Variants in ADCY6 observed in about 807,000 individuals in gnomAD.
ADCY6 encodes the protein adenylate cyclase type 6.
Under a neutral mutation model 111.6 loss-of-function variants are expected in ADCY6, and 59 were observed. The observed-to-expected ratio is 0.53, with a 90% confidence interval of 0.43 to 0.66. ADCY6 has a LOEUF of 0.66. Among genes scored for constraint, ADCY6 ranks in the 30% least tolerant of loss-of-function variants. The pLI is 0.00. For synonymous variants in ADCY6, 576 were observed against 642.9 expected, an observed-to-expected ratio of 0.90 and a Z score of 1.57; for missense variants, 1,242 against 1,595.6, an observed-to-expected ratio of 0.78 and a Z score of 3.78.
In ADCY6 at chr12:48,778,247, T is replaced by C. The variant is rs201826042; in HGVS notation, c.875A>G (p.Asn292Ser). ...GTTGGTGCAGAGGAACAGCAGCACA[T>C]TGGCACCGAGCTGCAGGAGGTGGCA... Reference protein sequence around the residue: ...DAFLWKQLGANVLLFLCTNVI... With the variant: ...DAFLWKQLGASVLLFLCTNVI... The change falls in exon 3 of 22, where the codon AAT becomes AGT. Residue 292 changes from asparagine to serine, a missense_variant. Physicochemically the swap from Asn to Ser is conservative, Grantham distance 46. Around this residue, in one of 4 missense-constraint regions of ADCY6, gnomAD observed 260 missense variants for 414.6 expected, o/e 0.63. Transcript: ENST00000357869. 115 of 1,614,058 alleles carry C rather than the reference T, an allele frequency of 7.1e-5. 1 individual carries two copies. Among genetic ancestry groups the C allele is most frequent in the Non-Finnish European group, 6.8e-5 (80 of 1,179,992 alleles).
rs907150770 is a variant in ADCY6 at position 48,782,442 on chromosome 12, C to G, written c.864+129G>C. On this transcript the variant is annotated intron_variant, in intron 2 of 21. Coordinates refer to ENST00000357869, the MANE Select transcript of ADCY6 (RefSeq NM_015270.5). The surrounding 1 kb of genome is among the most constrained non-coding windows in gnomAD (Gnocchi z 4.3). ...CACCTCCTGCTCCTCCTCCCAGATA[C>G]AGCCAGACATCCCTGCACCCAGCTT... 1.4e-6 allele frequency: 2 copies of G among 1,443,580 alleles called. No individual in the cohort carries two copies. Among genetic ancestry groups the G allele is most frequent in the East Asian group, 2.5e-5 (1 of 40,218 alleles). 89.4% of individuals were successfully genotyped at this position (1,443,580 alleles called of 1,614,324 possible).
intron 1 of ADCY6, chr12:48,784,018 G>A (rs1941923506): frequency 6.4e-6 from 1 of 155,772 alleles, no homozygotes; most frequent in African/African-American, 2.4e-5. Context: ...GGTGGCAGAG[G>A]TTGCAGTGAG....
In ADCY6 at chr12:48,777,680, G is replaced by A; in HGVS notation, c.1071C>T (p.Asp357=). 1 of 1,614,140 alleles carries A rather than the reference G, an allele frequency of 6.2e-7. No homozygotes were observed. Among genetic ancestry groups the A allele is most frequent in the Non-Finnish European group, 8.5e-7 (1 of 1,180,034 alleles). The change falls in exon 4 of 22, where the codon GAC becomes GAT. Residue 357 remains aspartate (D), a synonymous_variant. Transcript: ENST00000357869. This position sits in a 1 kb window ranked among gnomAD's most constrained non-coding sequence, Gnocchi z 4.9. ...PQHVAMEMKE[D]INTKKEDMMF... The stretch of plus-strand genomic sequence containing the variant: ...TCATGTCTTCTTTTTTTGTGTTGAT[G>A]TCTTCTTTCATCTCCATGGCAACGT...
Position 48,782,287 on chromosome 12 carries a change from G to A in ADCY6, c.864+284C>T, listed in dbSNP as rs184744672. ...TCTCTACAGACTGCACTATTTCAGC[G>A]GGCTAAAGAGCCGGAGACTGGGGCC... On this transcript the variant is annotated intron_variant, in intron 2 of 21. Transcript: ENST00000357869. The surrounding 1 kb of genome is among the most constrained non-coding windows in gnomAD (Gnocchi z 4.3). Among the ~76,000 whole-genome samples the A allele has an allele frequency of 5.9e-5, 9 of 152,176 alleles. No individual in the cohort carries two copies. In the East Asian group the frequency reaches 9.7e-4, roughly 16 times the overall value.
Position 48,766,797 on chromosome 12 carries a change from C to G in ADCY6, c.*1794G>C, listed in dbSNP as rs1469987574. 1 of 152,398 alleles carries G rather than the reference C, an allele frequency of 6.6e-6. No homozygotes were observed. Among genetic ancestry groups the G allele is most frequent in the African/African-American group, 2.4e-5 (1 of 41,452 alleles). The allele number at this position is 152,398 out of a possible 1,614,324, so 9.4% of individuals were successfully genotyped here. ...CTGGAAACCCTTCTCCTCTGCCTCT[C>G]TAGTCATTTCCAAGACAAAGTGATC... On this transcript the variant is annotated 3_prime_UTR_variant, in exon 22 of 22. Transcript: ENST00000357869.
In ADCY6 at chr12:48,776,034, C is replaced by T. The variant is rs749842781; in HGVS notation, c.1735G>A (p.Gly579Arg). 3 of 1,613,394 alleles carry T rather than the reference C, an allele frequency of 1.9e-6. No homozygotes were observed. The East Asian group carries it at 6.7e-5, about 36-fold the overall frequency. Residue 579 changes from glycine (G) to arginine (R), a missense_variant, in exon 9 of 22, where the codon GGG becomes AGG. Physicochemically the swap from Gly to Arg is moderately radical, Grantham distance 125. This residue lies in a region of ADCY6 where 375 missense variants were observed against 432.5 expected (regional missense o/e 0.87). Coordinates refer to ENST00000357869, the MANE Select transcript of ADCY6 (RefSeq NM_015270.5). The surrounding 1 kb of genome is among the most constrained non-coding windows in gnomAD (Gnocchi z 6.1). Reference protein sequence around the residue: ...LQRTRANSMEGLMPRWVPDRA... With the variant: ...LQRTRANSMERLMPRWVPDRA... ...TCAGGAACCCAGCGCGGCATCAGCC[C>T]TTCCATGGAGTTGGCCCGAGTCCGC...
At chr12:48,778,871 C>CTTTTTTTT (rs1941774060) in intron 2 of ADCY6, among the ~76,000 whole-genome samples, 1 of 111,650 alleles carries the variant, frequency 9.0e-6, no homozygotes, top group Non-Finnish European at 1.7e-5. Context: ...CTGAATAACA[C>CTTTTTTTT]ATTTTTTTTT....
At position 48,766,621 on chromosome 12, in the gene ADCY6, G is replaced by A. The variant is rs1254443065; in HGVS notation, c.*1970C>T. On this transcript the variant is annotated 3_prime_UTR_variant, in exon 22 of 22. Transcript: ENST00000357869. ...TTCCCCTCCTTCTGCCATGACTAAT[G>A]AAGTACCTGATGGCCCATTTGGTTG... 4 of 152,646 alleles carry A rather than the reference G, an allele frequency of 2.6e-5. No individual in the cohort carries two copies. Among genetic ancestry groups the A allele is most frequent in the Non-Finnish European group, 5.9e-5 (4 of 68,066 alleles). 9.5% of individuals were successfully genotyped at this position (152,646 alleles called of 1,614,324 possible).
rs182004614 is a variant in ADCY6, at chr12:48,777,066, C to G, written c.1376+38G>C. ...AAAAGTAGGAGCAGTCTGGGGCACCCGCAATTCCAGGAAGCCTAGGAATGG... is the reference window on the plus strand; with the variant it reads ...AAAAGTAGGAGCAGTCTGGGGCACCGGCAATTCCAGGAAGCCTAGGAATGG... On this transcript the variant is annotated intron_variant, in intron 6 of 21. Transcript: ENST00000357869. This position sits in a 1 kb window ranked among gnomAD's most constrained non-coding sequence, Gnocchi z 4.9. 5.2e-6 allele frequency: 8 copies of G among 1,547,586 alleles called. No homozygotes were observed. The African/African-American group carries it at 1.1e-4, about 21-fold the overall frequency.
At chr12:48,769,906 C>T (rs1370624167) in intron 20 of ADCY6, among the ~76,000 whole-genome samples, 2 of 151,714 alleles carry the variant, frequency 1.3e-5, no homozygotes, top group Non-Finnish European at 2.9e-5. Flanking sequence ...GGACTATAGG[C>T]GCCCACCACC....
At position 48,777,125 on chromosome 12, in the gene ADCY6, AC is replaced by A; in HGVS notation, c.1354del (p.Val452Ter). 2 of 1,611,320 alleles carry A rather than the reference AC, an allele frequency of 1.2e-6. No homozygotes were observed. The highest frequency in any genetic ancestry group is 2.2e-5 in the East Asian group (1 of 44,852). On this transcript the variant is annotated frameshift_variant, in exon 6 of 22. Transcript: ENST00000357869. LOFTEE classifies it high-confidence loss of function. This position sits in a 1 kb window ranked among gnomAD's most constrained non-coding sequence, Gnocchi z 4.9. ...TTACGAGATGGCCTCAATCATGTCT[AC>A]CCCCATCTCCACACAGCAGTGGGCA... is the stretch of plus-strand genomic sequence containing the variant. ...DHAHCCVEMG[V>X]DMIEAISLVR... is the part of the protein sequence containing the mutation.
chr12:48,778,078 G>A (rs1213045045), intron 3 of ADCY6, 30 bp downstream of exon 3: 3 of 1,586,382 alleles, frequency 1.9e-6, no homozygotes, highest in African/African-American at 1.3e-5. Flanking sequence ...TAAGGTGGGG[G>A]CAGGCCCTGG....
At chr12:48,789,492 G>A (rs1466708341), upstream of ADCY6, 1 of 133,694 alleles carries the variant, frequency 7.5e-6, no homozygotes, top group Non-Finnish European at 1.6e-5. Context: ...CCCGCCCACC[G>A]AGGGTCGCCT....
At chr12:48,786,545 T>C (rs1941982934) in intron 1 of ADCY6, among the ~76,000 whole-genome samples, 1 of 152,144 alleles carries the variant, frequency 6.6e-6, no homozygotes, top group Non-Finnish European at 1.5e-5. Context: ...GTATTTTTAG[T>C]ACAGACAGGG....
chr12:48,767,131 GC>G lies in ADCY6; in HGVS notation c.*1459del, dbSNP rs1450431944. 1.3e-5 allele frequency: 2 copies of G among 152,626 alleles called. No homozygotes were observed. Among genetic ancestry groups the G allele is most frequent in the Non-Finnish European group, 2.9e-5 (2 of 68,090 alleles). The allele number at this position is 152,626 out of a possible 1,614,324, so 9.5% of individuals were successfully genotyped here. ...CTCAGAGGGATTCCATGCTACCCCA[GC>G]CCCAAAGCATACCATGTCCCAGGAC... On this transcript the variant is annotated 3_prime_UTR_variant, in exon 22 of 22. Transcript: ENST00000357869.
intron 21 of ADCY6, 107 bp from the exon 22 acceptor site, chr12:48,768,823 C>G: frequency 6.4e-7 from 1 of 1,553,568 alleles, no homozygotes; most frequent in Non-Finnish European, 8.7e-7. Flanking sequence ...CAGTCCCTGC[C>G]CCACCATACA....
At chr12:48,770,306 C>T (rs1941500870) in intron 20 of ADCY6, among the ~76,000 whole-genome samples, 2 of 152,070 alleles carry the variant, frequency 1.3e-5, no homozygotes, top group Non-Finnish European at 2.9e-5. Flanking sequence ...CTCAAATAAG[C>T]CAGTAAATGG....
chr12:48,787,898 G>A (rs116012759), intron 1 of ADCY6, among the ~76,000 whole-genome samples: 2,649 of 152,260 alleles, frequency 0.017, 85 homozygotes, highest in African/African-American at 0.059. Flanking sequence ...CAAGGCCAAG[G>A]CCCAGCCCTA....
At chr12:48,772,466 T>C in intron 17 of ADCY6, 42 bp from the exon 18 acceptor site, 1 of 1,614,210 alleles carries the variant, frequency 6.2e-7, no homozygotes, top group Non-Finnish European at 8.5e-7. Context: ...GAAGGAGGCA[T>C]CTAATGGCTC....
Sources: gnomAD v4.1 joint callset for allele counts (sites outside exome capture counted in the v4.1 genomes callset) on GRCh38, gnomAD v4.1.1 for gene constraint, gnomAD v4.1.1 regional missense constraint, Gnocchi (gnomAD v3.1) non-coding constraint, MANE v1.5 for transcripts, NCBI Gene and HGNC (gene_info 2026-07-23, HGNC 2026-07-21) for gene names.